The following TRPM1 variants were observed in gnomAD, a reference collection of about 807,000 sequenced individuals.
TRPM1 encodes TRPM1-203 APA Isoform, Intron 10.
Under a neutral mutation model 149.4 loss-of-function variants are expected in TRPM1, and 113 were observed. That is an observed-to-expected ratio of 0.76 (90% confidence interval 0.65 to 0.88). The LOEUF (loss-of-function observed/expected upper bound fraction) is 0.88, where lower values mean the gene tolerates loss of function less well. TRPM1 is among the 40% of genes least tolerant of loss of function. The pLI, the probability that TRPM1 is intolerant of heterozygous loss-of-function variation, is 0.00. For synonymous variants in TRPM1, 741 were observed against 759.5 expected, an observed-to-expected ratio of 0.98 and a Z score of 0.40; for missense variants, 1,976 against 2,038.7, an observed-to-expected ratio of 0.97 and a Z score of 0.59.
intron 20 of TRPM1, among the ~76,000 whole-genome samples, chr15:31,036,794 G>A (rs1003601817): frequency 2.6e-5 from 4 of 152,158 alleles, no homozygotes; most frequent in African/African-American, 9.7e-5. Context: ...CATCAATCTT[G>A]GCTGCCACAA....
rs1244694927 is a variant in TRPM1 at position 31,002,718 on chromosome 15, T to C, written c.3982A>G (p.Ile1328Val). Reference sequence around the variant, plus strand: ...GTTTTCACGTCCTTCTCTTCCTTTATACGGAAGGAACAGGTTTTTTTCCTG... The same window carrying C: ...GTTTTCACGTCCTTCTCTTCCTTTACACGGAAGGAACAGGTTTTTTTCCTG... Reference protein sequence around the residue: ...GVRKKTCSFRIKEEKDVKTHL... With the variant: ...GVRKKTCSFRVKEEKDVKTHL... The change falls in exon 28 of 28, where the codon ATA (isoleucine) becomes GTA (valine). Residue 1328 changes from isoleucine (I) to valine (V), a missense_variant. Transcript: ENST00000256552. 6.2e-7 allele frequency: 1 copy of C among 1,614,232 alleles called. No homozygotes were observed. The highest frequency in any genetic ancestry group is 8.5e-7 in the Non-Finnish European group (1 of 1,180,052).
At chr15:31,024,519 G>A (rs950584539) in intron 27 of TRPM1, among the ~76,000 whole-genome samples, 1 of 152,208 alleles carries the variant, frequency 6.6e-6, no homozygotes, top group African/African-American at 2.4e-5. Context: ...ACAGGAAGCA[G>A]CATGTTTTCT....
At chr15:31,128,059 CTTTA>C (rs1469940822) in intron 1 of TRPM1, among the ~76,000 whole-genome samples, 5 of 152,084 alleles carry the variant, frequency 3.3e-5, no homozygotes. Context: ...TGGACTGGAT[CTTTA>C]TTATCTGCAG....
intron 11 of TRPM1, 151 bp downstream of exon 11, chr15:31,060,387 AACAGTG>A (rs1301467454): frequency 4.3e-6 from 3 of 699,714 alleles, no homozygotes; most frequent in Non-Finnish European, 7.7e-6. Context: ...TTTGAAGTTA[AACAGTG>A]ACATCTTCTA....
chr15:31,058,980 G>A (rs1409824446), intron 11 of TRPM1, among the ~76,000 whole-genome samples: 1 of 152,196 alleles, frequency 6.6e-6, no homozygotes, highest in East Asian at 1.9e-4. Flanking sequence ...CTACTTGGGA[G>A]GCTGAGGCAG....
chr15:31,092,296 C>G (rs1298873145), intron 1 of TRPM1, among the ~76,000 whole-genome samples: 1 of 151,600 alleles, frequency 6.6e-6, no homozygotes, highest in Non-Finnish European at 1.5e-5. Context: ...GGTGTCGGTG[C>G]GTTGTAAGTC....
At chr15:31,057,071 G>C (rs2034104507) in intron 11 of TRPM1, among the ~76,000 whole-genome samples, 1 of 152,182 alleles carries the variant, frequency 6.6e-6, no homozygotes, top group Admixed American at 6.5e-5. Context: ...GCAACGAAGG[G>C]ATGTCTGATG....
intron 1 of TRPM1, among the ~76,000 whole-genome samples, chr15:31,115,910 A>C (rs1265739030): frequency 6.6e-6 from 1 of 151,940 alleles, no homozygotes; most frequent in African/African-American, 2.4e-5. Flanking sequence ...GCCTGGTAAG[A>C]GCTTGTGTCT....
chr15:31,116,167 C>T (rs1298748395), intron 1 of TRPM1, among the ~76,000 whole-genome samples: 2 of 152,114 alleles, frequency 1.3e-5, no homozygotes, highest in African/African-American at 2.4e-5. Flanking sequence ...TACCAAACTG[C>T]AGCCCCCTCT....
In TRPM1 at chr15:31,070,193, G is replaced by GA; in HGVS notation, c.116dup (p.Leu42SerfsTer10). ...TGGGTGTTGCACTTGGCAGAGGGGG[G>GA]ATATGCTGGTTGGTGAACTGGCCAC... On this transcript the variant is annotated frameshift_variant, in exon 4 of 28. Transcript: ENST00000256552. LOFTEE classifies it high-confidence loss of function. The GA allele has an allele frequency of 1.9e-6, 3 of 1,613,956 alleles. No homozygotes were observed. Among genetic ancestry groups the GA allele is most frequent in the Non-Finnish European group, 1.7e-6 (2 of 1,179,962 alleles).
At chr15:31,052,572 T>C (rs2033974187) in intron 11 of TRPM1, among the ~76,000 whole-genome samples, 1 of 152,100 alleles carries the variant, frequency 6.6e-6, no homozygotes, top group Admixed American at 6.5e-5. Context: ...GCCAGGAATT[T>C]GAGACCAGCC....
At chr15:31,088,224 A>C (rs2035057695) in intron 1 of TRPM1, among the ~76,000 whole-genome samples, 3 of 152,324 alleles carry the variant, frequency 2.0e-5, no homozygotes, top group African/African-American at 7.2e-5. Context: ...TTTAAAATGG[A>C]CTAATCTGCT....
At chr15:31,035,455 T>A in intron 21 of TRPM1, 91 bp downstream of exon 21, 1 of 1,574,190 alleles carries the variant, frequency 6.4e-7, no homozygotes. Context: ...CCAACATGCA[T>A]AATTTGCATG....
rs373199012 is a variant in TRPM1 at position 31,113,168 on chromosome 15, C to G, written c.55-36184G>C. 2.0e-4 allele frequency among the ~76,000 whole-genome samples: 31 copies of G among 152,254 alleles called. No homozygotes were observed. The East Asian group carries it at 3.1e-3, about 15-fold the overall frequency. On this transcript the variant is annotated intron_variant, in intron 1 of 26. Transcript: ENST00000542188. Reference sequence around the variant, plus strand: ...TCTGCCTGAATCACCCCCTTCAAAACTCACCACGGCCCACCTTCTCCAGCT... The same window carrying G: ...TCTGCCTGAATCACCCCCTTCAAAAGTCACCACGGCCCACCTTCTCCAGCT...
At chr15:31,049,231 A>G in intron 13 of TRPM1, 144 bp downstream of exon 13, 1 of 1,139,846 alleles carries the variant, frequency 8.8e-7, no homozygotes, top group South Asian at 1.2e-5. Flanking sequence ...GGCCAGCAGC[A>G]GGTGAGAAGT....
intron 1 of TRPM1, among the ~76,000 whole-genome samples, chr15:31,101,044 G>A (rs761394187): frequency 3.3e-5 from 5 of 152,158 alleles, no homozygotes; most frequent in Admixed American, 1.3e-4. Context: ...ATCCTGTTCC[G>A]TGTAACCAAT....
intron 27 of TRPM1, among the ~76,000 whole-genome samples, chr15:31,013,983 T>A (rs1051527950): frequency 2.6e-5 from 4 of 152,178 alleles, no homozygotes; most frequent in African/African-American, 9.7e-5. Context: ...GCAGTTTACA[T>A]CTTTGCTTTA....
Position 31,077,154 on chromosome 15 carries a change from G to A in TRPM1, c.4-170C>T, listed in dbSNP as rs16956530. On this transcript the variant is annotated intron_variant, in intron 2 of 27. Transcript: ENST00000256552. ...ATCTTAGCTCTAGTACCTTTTAAGA[G>A]AAATGGCTTGCAAGTATGTATTTAA... Among the ~76,000 whole-genome samples, 11,172 of 152,248 alleles carry A rather than the reference G, an allele frequency of 0.073. 589 individuals are homozygous for A. The highest frequency in any genetic ancestry group is 0.11 in the Non-Finnish European group (7,369 of 68,012).
At chr15:31,054,380 C>T (rs149430774) in intron 11 of TRPM1, among the ~76,000 whole-genome samples, 2,849 of 151,806 alleles carry the variant, frequency 0.019, 50 homozygotes, top group African/African-American at 0.046. Flanking sequence ...CTGCAACCTC[C>T]GGCTCCCAGG....
Sources: allele counts gnomAD v4.1 joint callset (sites outside exome capture counted in the v4.1 genomes callset), GRCh38; gene constraint gnomAD v4.1.1; transcripts MANE v1.5; gene names NCBI Gene and HGNC (gene_info 2026-07-23, HGNC 2026-07-21).